Variants in ANXA8 observed in about 807,000 individuals in gnomAD.
The protein encoded by ANXA8 is annexin A8.
ANXA8 carries 9 observed loss-of-function variants against 26.8 expected under a neutral mutation model. The ratio of observed to expected loss-of-function variants is 0.34; its 90% CI spans 0.20 to 0.59. The LOEUF (loss-of-function observed/expected upper bound fraction) is 0.59, where lower values mean the gene tolerates loss of function less well. Among genes scored for constraint, ANXA8 ranks in the 20% least tolerant of loss-of-function variants. The probability of loss-of-function intolerance (pLI) is 0.84; values close to 1 mark genes in which losing one functional copy is unlikely to be tolerated. For missense variants in ANXA8, 83 were observed against 238.5 expected (o/e 0.35, Z 4.29); for synonymous variants, 39 against 94.8 (o/e 0.41, Z 3.42).
the ANXA8 span, among the ~76,000 whole-genome samples, chr10:47,613,994 C>T: frequency 1.3e-5 from 1 of 74,144 alleles, no homozygotes; most frequent in Non-Finnish European, 3.5e-5. Flanking sequence ...TATAACATTT[C>T]CACACTTCTC....
chr10:47,901,652 T>C, the ANXA8 span, among the ~76,000 whole-genome samples: 1 of 121,918 alleles, frequency 8.2e-6, no homozygotes, highest in Non-Finnish European at 1.8e-5. Context: ...TGGACCATAG[T>C]TGACATACTT....
the ANXA8 span, among the ~76,000 whole-genome samples, chr10:47,765,533 A>G: frequency 1.6e-4 from 24 of 147,734 alleles, no homozygotes; most frequent in African/African-American, 2.8e-4. Flanking sequence ...TGAAAAGGGA[A>G]TCCCTTCTGG....
At chr10:47,694,114 C>T in the ANXA8 span, among the ~76,000 whole-genome samples, 2 of 151,692 alleles carry the variant, frequency 1.3e-5, no homozygotes, top group Non-Finnish European at 2.9e-5. Context: ...TAGTTGTTAA[C>T]GACTAGGTAA....
At chr10:47,659,286 G>A in the ANXA8 span, among the ~76,000 whole-genome samples, 11 of 151,962 alleles carry the variant, frequency 7.2e-5, no homozygotes, top group Admixed American at 2.0e-4. Flanking sequence ...TTTCAAGTAC[G>A]TTCTTCTTTC....
chr10:47,607,419 C>T, the ANXA8 span, among the ~76,000 whole-genome samples: 3 of 149,872 alleles, frequency 2.0e-5, no homozygotes, highest in Non-Finnish European at 4.4e-5. Flanking sequence ...TTCATTCACT[C>T]GAATCTACTC....
the ANXA8 span, among the ~76,000 whole-genome samples, chr10:47,544,136 C>T: frequency 2.6e-5 from 4 of 151,900 alleles, no homozygotes; most frequent in Non-Finnish European, 5.9e-5. Context: ...CGAGGCTGAA[C>T]GTAGGATGGG....
chr10:47,503,719 T>C, the ANXA8 span, among the ~76,000 whole-genome samples: 6 of 124,816 alleles, frequency 4.8e-5, no homozygotes, highest in East Asian at 1.5e-3. Context: ...AGGTCAGGAG[T>C]TCAAGACCAT....
the ANXA8 span, among the ~76,000 whole-genome samples, chr10:47,499,934 A>G: frequency 6.7e-6 from 1 of 149,932 alleles, no homozygotes; most frequent in East Asian, 2.0e-4. Context: ...TGTCCAGCTA[A>G]TTTCTTGATT....
the ANXA8 span, among the ~76,000 whole-genome samples, chr10:47,684,587 T>C: frequency 1.3e-5 from 2 of 151,838 alleles, no homozygotes; most frequent in African/African-American, 4.8e-5. Context: ...TTATGAGTTT[T>C]TTTTGAGATT....
the ANXA8 span, among the ~76,000 whole-genome samples, chr10:47,612,397 C>A: frequency 1.7e-5 from 1 of 58,980 alleles, no homozygotes; most frequent in East Asian, 2.7e-4. Flanking sequence ...GTTTGAGAGA[C>A]AAAATGAGAT....
the ANXA8 span, among the ~76,000 whole-genome samples, chr10:47,951,323 G>A: frequency 6.6e-5 from 10 of 150,938 alleles, 2 homozygotes; most frequent in East Asian, 6.1e-4. Context: ...GGAAAATTCC[G>A]GGCTCCAGTG....
At chr10:47,908,939 A>G in the ANXA8 span, among the ~76,000 whole-genome samples, 1 of 49,092 alleles carries the variant, frequency 2.0e-5, no homozygotes, top group Admixed American at 2.1e-4. Context: ...GTATAATGGA[A>G]TAGTTACTCT....
At chr10:47,687,022 T>C in the ANXA8 span, among the ~76,000 whole-genome samples, 3 of 151,486 alleles carry the variant, frequency 2.0e-5, no homozygotes, top group African/African-American at 7.3e-5. Context: ...GATGACAGCT[T>C]GAGCCCAGCA....
At chr10:47,944,320 CT>C in the ANXA8 span, among the ~76,000 whole-genome samples, 5 of 148,830 alleles carry the variant, frequency 3.4e-5, no homozygotes, top group African/African-American at 1.3e-4. Context: ...AGCACATGCA[CT>C]TTGGGTAAAC....
At chr10:47,600,069 C>T in the ANXA8 span, among the ~76,000 whole-genome samples, 3 of 149,470 alleles carry the variant, frequency 2.0e-5, no homozygotes, top group Non-Finnish European at 4.4e-5. Flanking sequence ...GTTAAGGTCA[C>T]GTGATGTGGT....
At chr10:47,561,382 A>G in the ANXA8 span, among the ~76,000 whole-genome samples, 1 of 151,636 alleles carries the variant, frequency 6.6e-6, no homozygotes, top group East Asian at 1.9e-4. Context: ...TTGGGATTAC[A>G]AGCGTGAACT....
the ANXA8 span, among the ~76,000 whole-genome samples, chr10:47,959,669 G>T: frequency 8.1e-5 from 12 of 148,236 alleles, no homozygotes; most frequent in South Asian, 8.6e-4. Flanking sequence ...GGGAGGGAAA[G>T]TTCAGGACCT....
the ANXA8 span, among the ~76,000 whole-genome samples, chr10:47,501,412 T>C: frequency 7.1e-6 from 1 of 141,164 alleles, no homozygotes; most frequent in African/African-American, 2.6e-5. Flanking sequence ...ATTTATAAAT[T>C]AAGAGAGGTG....
At chr10:47,484,959 G>A (rs1202093566), upstream of ANXA8, among the ~76,000 whole-genome samples, 4 of 148,856 alleles carry the variant, frequency 2.7e-5, no homozygotes, top group Admixed American at 6.7e-5. Flanking sequence ...CACGCTTCCC[G>A]GGATCCACCC....
Sources: gnomAD v4.1 joint callset for allele counts (sites outside exome capture counted in the v4.1 genomes callset) on GRCh38, gnomAD v4.1.1 for gene constraint, MANE v1.5 for transcripts, NCBI Gene and HGNC (gene_info 2026-07-23, HGNC 2026-07-21) for gene names.